BMPR1B: variants seen among roughly 807,000 people sequenced by gnomAD.
BMPR1B encodes the protein bone morphogenetic protein receptor type 1B.
Under a neutral mutation model 59.1 loss-of-function variants are expected in BMPR1B, and 12 were observed. The observed-to-expected ratio is 0.20, with a 90% CI of 0.13 to 0.33. The LOEUF (loss-of-function observed/expected upper bound fraction) is 0.33, where lower values mean the gene tolerates loss of function less well. Ranked by LOEUF, BMPR1B falls within the 10% of genes least tolerant of loss-of-function variation. The pLI is 1.00. For missense variants in BMPR1B, 550 were observed against 610.9 expected (o/e 0.90, Z 1.05); for synonymous variants, 237 against 207.3 (o/e 1.14, Z -1.23).
intron 2 of BMPR1B, among the ~76,000 whole-genome samples, chr4:94,891,832 CTGTT>C (rs1727407112): frequency 6.6e-6 from 1 of 151,970 alleles, no homozygotes; most frequent in East Asian, 1.9e-4. Flanking sequence ...AATGGTTTGC[CTGTT>C]TGTTTATTCA....
At chr4:95,094,059 T>C (rs1343623601) in intron 3 of BMPR1B, among the ~76,000 whole-genome samples, 2 of 152,114 alleles carry the variant, frequency 1.3e-5, no homozygotes, top group African/African-American at 4.8e-5. Context: ...TTTTCCTATA[T>C]GTATTTCGGC....
intron 1 of BMPR1B, among the ~76,000 whole-genome samples, chr4:94,864,387 C>T (rs1313537901): frequency 6.6e-6 from 1 of 152,038 alleles, no homozygotes; most frequent in Non-Finnish European, 1.5e-5. Flanking sequence ...AAAAAGTTGA[C>T]ATCAAGATAG....
At chr4:95,056,165 C>A in intron 3 of BMPR1B, among the ~76,000 whole-genome samples, 1 of 152,114 alleles carries the variant, frequency 6.6e-6, no homozygotes. Flanking sequence ...CATTTTAGGT[C>A]CAGATGGCCT....
intron 3 of BMPR1B, among the ~76,000 whole-genome samples, chr4:95,009,799 G>C (rs1459171410): frequency 6.6e-6 from 1 of 152,160 alleles, no homozygotes; most frequent in Non-Finnish European, 1.5e-5. Context: ...TCTAGTAACT[G>C]TGTGAACTGT....
chr4:94,770,762 A>G (rs932067604), intron 1 of BMPR1B, among the ~76,000 whole-genome samples: 3 of 151,892 alleles, frequency 2.0e-5, no homozygotes, highest in African/African-American at 7.3e-5. Flanking sequence ...GACTCAGTTC[A>G]TTATAATAAC....
intron 1 of BMPR1B, among the ~76,000 whole-genome samples, chr4:94,847,658 A>AT (rs1725390006): frequency 1.3e-5 from 2 of 152,152 alleles, no homozygotes; most frequent in South Asian, 4.1e-4. Context: ...ACTGGAGGAC[A>AT]TTATGTTAAA....
intron 1 of BMPR1B, among the ~76,000 whole-genome samples, chr4:94,796,699 T>C (rs1723208519): frequency 6.6e-6 from 1 of 152,156 alleles, no homozygotes; most frequent in Non-Finnish European, 1.5e-5. Context: ...TTTCAGTTCT[T>C]GTATGTTGCC....
At chr4:95,042,667 G>A (rs1725741459) in intron 3 of BMPR1B, among the ~76,000 whole-genome samples, 2 of 152,078 alleles carry the variant, frequency 1.3e-5, no homozygotes, top group South Asian at 2.1e-4. Context: ...AGTAAAAGAT[G>A]GCCAAATAGT....
Position 94,758,003 on chromosome 4 carries a change from C to A in BMPR1B, c.-248C>A, listed in dbSNP as rs1209529763. ...GCGGGGCGCGGAGTCGGCGGGGCCT[C>A]GCGGGACGCCGGGCAGTGCGGAGAC... On this transcript the variant is annotated 5_prime_UTR_variant, in exon 1 of 13. Coordinates refer to ENST00000515059, the MANE Select transcript of BMPR1B (RefSeq NM_001203.3). 6.8e-6 allele frequency: 1 copy of A among 146,022 alleles called. No individual in the cohort carries two copies. Among genetic ancestry groups the A allele is most frequent in the African/African-American group, 2.5e-5 (1 of 39,974 alleles). The allele number at this position is 146,022 out of a possible 1,614,324, so 9.0% of individuals were successfully genotyped here.
Position 94,907,975 on chromosome 4 carries a change from A to G in BMPR1B, c.-113+32075A>G, listed in dbSNP as rs1399279977. Among the ~76,000 whole-genome samples, 3 of 148,040 alleles carry G rather than the reference A, an allele frequency of 2.0e-5. No individual in the cohort carries two copies. In the Admixed American group the frequency reaches 2.0e-4, roughly 10 times the overall value. ...TGAGGTGGGAGCATTGCTTGAGGCC[A>G]GAAGTTTGAGGCTGTAGTGTGCAAT... On this transcript the variant is annotated intron_variant, in intron 2 of 12. Coordinates refer to ENST00000515059, the MANE Select transcript of BMPR1B (RefSeq NM_001203.3).
intron 3 of BMPR1B, among the ~76,000 whole-genome samples, chr4:95,032,618 A>G (rs914292534): frequency 2.0e-5 from 3 of 152,180 alleles, no homozygotes; most frequent in East Asian, 3.9e-4. Flanking sequence ...GAAGCATACA[A>G]TCTTTAATGT....
chr4:94,897,306 C>G (rs527743881), intron 2 of BMPR1B, among the ~76,000 whole-genome samples: 1 of 152,002 alleles, frequency 6.6e-6, no homozygotes, highest in Admixed American at 6.6e-5. Flanking sequence ...TGTAAATAAG[C>G]GATAGTGTTA....
At chr4:95,098,852 G>A (rs183707288) in intron 3 of BMPR1B, among the ~76,000 whole-genome samples, 205 of 152,166 alleles carry the variant, frequency 1.3e-3, no homozygotes, top group Admixed American at 3.7e-3. Context: ...GAGTAGCTGG[G>A]ACTACAGGTG....
intron 10 of BMPR1B, among the ~76,000 whole-genome samples, chr4:95,141,237 G>T (rs1194665408): frequency 6.6e-6 from 1 of 152,130 alleles, no homozygotes; most frequent in Non-Finnish European, 1.5e-5. Flanking sequence ...CTTGCTTTAT[G>T]TGTTTCTTTA....
At chr4:95,060,135 A>C (rs1021840503) in intron 3 of BMPR1B, among the ~76,000 whole-genome samples, 1 of 152,210 alleles carries the variant, frequency 6.6e-6, no homozygotes, top group Non-Finnish European at 1.5e-5. Flanking sequence ...GGTCGTTTTT[A>C]ACATACAGGT....
chr4:94,831,146 A>G (rs2110670588), intron 1 of BMPR1B, among the ~76,000 whole-genome samples: 1 of 150,924 alleles, frequency 6.6e-6, no homozygotes, highest in Non-Finnish European at 1.5e-5. Context: ...TATGGAGGGG[A>G]AAGACAGTGA....
intron 1 of BMPR1B, among the ~76,000 whole-genome samples, chr4:94,864,326 G>A (rs1726118135): frequency 6.6e-6 from 1 of 152,078 alleles, no homozygotes; most frequent in Non-Finnish European, 1.5e-5. Flanking sequence ...TAGCAGGAGA[G>A]AGATGTCAGC....
intron 1 of BMPR1B, among the ~76,000 whole-genome samples, chr4:94,847,957 C>G (rs1725405660): frequency 6.6e-6 from 1 of 151,982 alleles, no homozygotes; most frequent in African/African-American, 2.4e-5. Flanking sequence ...ATGATAAATG[C>G]TTAAGGTATT....
At chr4:95,085,834 T>C (rs1297269239) in intron 3 of BMPR1B, among the ~76,000 whole-genome samples, 1 of 152,148 alleles carries the variant, frequency 6.6e-6, no homozygotes, top group Non-Finnish European at 1.5e-5. Flanking sequence ...TTTTGAAGTT[T>C]TATATTTTTG....
Sources: gnomAD v4.1 joint callset for allele counts (sites outside exome capture counted in the v4.1 genomes callset) on GRCh38, gnomAD v4.1.1 for gene constraint, MANE v1.5 for transcripts, NCBI Gene and HGNC (gene_info 2026-07-23, HGNC 2026-07-21) for gene names.